ERICH1: variants seen among roughly 807,000 people sequenced by gnomAD.
ERICH1 encodes glutamate rich 1.
Under a neutral mutation model 39.6 loss-of-function variants are expected in ERICH1, and 56 were observed. That is an observed-to-expected ratio of 1.41 (90% confidence interval 1.14 to 1.77). ERICH1 has a LOEUF of 1.77. Among genes scored for constraint, ERICH1 ranks in the 40% most tolerant of loss-of-function variants. The pLI, the probability that ERICH1 is intolerant of heterozygous loss-of-function variation, is 0.00. For synonymous variants in ERICH1, 313 were observed against 223.6 expected, an observed-to-expected ratio of 1.40 and a Z score of -3.57; for missense variants, 826 against 575.4, an observed-to-expected ratio of 1.44 and a Z score of -4.45.
At chr8:686,099 G>A (rs35328397) in intron 3 of ERICH1, among the ~76,000 whole-genome samples, 41,105 of 151,876 alleles carry the variant, frequency 0.27, 5,936 homozygotes, top group East Asian at 0.42. Context: ...GGCAGAGGGT[G>A]CAGTGAGATT....
At chr8:695,009 C>A (rs753228725) in intron 2 of ERICH1, among the ~76,000 whole-genome samples, 1 of 152,102 alleles carries the variant, frequency 6.6e-6, no homozygotes, top group African/African-American at 2.4e-5. Flanking sequence ...CAGCATCCCT[C>A]GGGAAAGGCA....
intron 3 of ERICH1, among the ~76,000 whole-genome samples, chr8:629,379 T>G (rs1200562382): frequency 0.045 from 2,672 of 58,948 alleles, 34 homozygotes; most frequent in Non-Finnish European, 0.06. Flanking sequence ...TGACTCACAC[T>G]CTCCTGTGAC....
intron 3 of ERICH1, among the ~76,000 whole-genome samples, chr8:618,079 G>A (rs890571810): frequency 8.0e-5 from 12 of 149,794 alleles, no homozygotes; most frequent in African/African-American, 3.0e-4. Context: ...TCCTCTGAGT[G>A]ATTGGTGCTC....
chr8:726,453 AAC>A (rs1290127364), intron 1 of ERICH1, among the ~76,000 whole-genome samples: 1 of 151,084 alleles, frequency 6.6e-6, no homozygotes, highest in African/African-American at 2.4e-5. Flanking sequence ...ACAGGCACAC[AAC>A]ACACAGGTGC....
chr8:653,812 G>A (rs1308836994), intron 3 of ERICH1, among the ~76,000 whole-genome samples: 1 of 151,730 alleles, frequency 6.6e-6, no homozygotes, highest in African/African-American at 2.4e-5. Context: ...GAGGTCTCCG[G>A]AGGGGTTGGA....
At position 674,027 on chromosome 8, in the gene ERICH1, G is replaced by A. The variant is rs763304305; in HGVS notation, c.325C>T (p.Pro109Ser). 2.6e-6 allele frequency: 4 copies of A among 1,565,104 alleles called. No individual in the cohort carries two copies. Among genetic ancestry groups the A allele is most frequent in the East Asian group, 4.5e-5 (2 of 44,608 alleles). Residue 109 changes from proline to serine, a missense_variant, in exon 4 of 6, where the codon CCA becomes TCA. Coordinates refer to ENST00000262109, the MANE Select transcript of ERICH1 (RefSeq NM_207332.3). The part of the protein sequence containing the change: ...DTEDQDPHDQ[P>S]KRRRIRKHKS... ...TGCTTCCTAATTCTTCTTCTCTTTG[G>A]CTGGTCATGAGGATCCTGATCTGTT...
chr8:668,888 C>A, intron 4 of ERICH1, 96 bp from the exon 5 acceptor site: 1 of 1,077,478 alleles, frequency 9.3e-7, no homozygotes, highest in Non-Finnish European at 1.3e-6. Context: ...CTCAAACCTA[C>A]GCTTCCACAC....
chr8:707,497 G>A lies in ERICH1; in HGVS notation c.169+8364C>T, dbSNP rs565669471. Among the ~76,000 whole-genome samples the A allele has an allele frequency of 2.6e-4, 39 of 152,184 alleles. 1 individual carries two copies. The South Asian group carries it at 7.2e-3, about 28-fold the overall frequency. ...GCTGGGACTACAGGTGTGAGCCACC[G>A]CACCTGGCTGCCAACTGATTTTCAA... On this transcript the variant is annotated intron_variant, in intron 2 of 5. Transcript: ENST00000262109.
intron 4 of ERICH1, among the ~76,000 whole-genome samples, chr8:670,309 T>A (rs1803007311): frequency 1.3e-5 from 2 of 150,592 alleles, no homozygotes; most frequent in Non-Finnish European, 3.0e-5. Context: ...AACATCGGCC[T>A]CTCCCACTGT....
At chr8:715,381 T>C (rs748231718) in intron 2 of ERICH1, among the ~76,000 whole-genome samples, 52 of 152,156 alleles carry the variant, frequency 3.4e-4, no homozygotes, top group Non-Finnish European at 7.1e-4. Flanking sequence ...GGGACTCTCA[T>C]GGCAGATGAT....
intron 5 of ERICH1, chr8:666,829 C>G (rs927346224): frequency 6.6e-6 from 1 of 152,550 alleles, no homozygotes; most frequent in Non-Finnish European, 1.5e-5. Flanking sequence ...ACCGGCCACT[C>G]GGCAGCTCCC....
intron 2 of ERICH1, among the ~76,000 whole-genome samples, chr8:693,818 G>A (rs538199659): frequency 6.1e-5 from 9 of 147,822 alleles, no homozygotes; most frequent in East Asian, 5.9e-4. Flanking sequence ...CTACTGGGAC[G>A]TCCCCTGCTG....
chr8:665,521 C>T (rs559543120), intron 5 of ERICH1, among the ~76,000 whole-genome samples: 4 of 152,304 alleles, frequency 2.6e-5, no homozygotes, highest in South Asian at 2.1e-4. Context: ...AGGCTCCATC[C>T]CGCCCAGGGG....
rs754839543 is a variant in ERICH1, at chr8:673,750, C to G, written c.602G>C (p.Gly201Ala). 2 of 1,613,552 alleles carry G rather than the reference C, an allele frequency of 1.2e-6. No individual in the cohort carries two copies. The highest frequency in any genetic ancestry group is 8.5e-7 in the Non-Finnish European group (1 of 1,179,976). ...ATCCTCCTCACAAGCCTCTCCCACG[C>G]CTTCCCCTTCATTGCTGCTGTCCTC... ...QPEDSSNEGE[G>A]VGEACEEDGV... Residue 201 changes from glycine to alanine, a missense_variant, in exon 4 of 6, where the codon GGC becomes GCC. Physicochemically the swap from Gly to Ala is moderately conservative, Grantham distance 60. Transcript: ENST00000262109.
chr8:700,207 A>C (rs1260723965), intron 2 of ERICH1, among the ~76,000 whole-genome samples: 3 of 107,038 alleles, frequency 2.8e-5, no homozygotes, highest in Non-Finnish European at 5.8e-5. Context: ...AGGCCGGCAC[A>C]GGCGCACACA....
chr8:684,933 G>A (rs1806957438), intron 3 of ERICH1, among the ~76,000 whole-genome samples: 1 of 152,202 alleles, frequency 6.6e-6, no homozygotes, highest in Non-Finnish European at 1.5e-5. Flanking sequence ...AAGGTCACAA[G>A]GCCAGGGCGA....
chr8:662,736 A>G (rs139188596), downstream of ERICH1, among the ~76,000 whole-genome samples: 28 of 152,334 alleles, frequency 1.8e-4, 1 homozygote, highest in East Asian at 5.2e-3. Flanking sequence ...AGGTTCCACA[A>G]GGCCATGGAG....
intron 3 of ERICH1, among the ~76,000 whole-genome samples, chr8:621,487 A>G (rs922027658): frequency 1.3e-5 from 2 of 151,908 alleles, no homozygotes; most frequent in Admixed American, 6.5e-5. Flanking sequence ...TGTCAACTAT[A>G]TGTTAATAAA....
chr8:666,174 A>G (rs1006676089), intron 5 of ERICH1: 1 of 152,232 alleles, frequency 6.6e-6, no homozygotes, highest in Non-Finnish European at 1.5e-5. Flanking sequence ...ATTTTAATAT[A>G]AGAAACCAAT....
Sources: gnomAD v4.1 joint callset for allele counts (sites outside exome capture counted in the v4.1 genomes callset) on GRCh38, gnomAD v4.1.1 for gene constraint, MANE v1.5 for transcripts, NCBI Gene and HGNC (gene_info 2026-07-23, HGNC 2026-07-21) for gene names.